SCHIP1: variants seen among roughly 807,000 people sequenced by gnomAD.
SCHIP1 encodes schwannomin-interacting protein 1.
SCHIP1 carries 8 observed loss-of-function variants against 29.7 expected under a neutral mutation model. The ratio of observed to expected loss-of-function variants is 0.27; its 90% CI spans 0.16 to 0.49. The LOEUF is 0.49. Among genes scored for constraint, SCHIP1 ranks in the 20% least tolerant of loss-of-function variants. SCHIP1 has a pLI of 0.99. For missense variants in SCHIP1, 193 were observed against 294.6 expected, an observed-to-expected ratio of 0.66 and a Z score of 2.52; for synonymous variants, 76 against 94.9, an observed-to-expected ratio of 0.80 and a Z score of 1.16.
intron 1 of SCHIP1, among the ~76,000 whole-genome samples, chr3:159,855,614 T>C (rs1004693493): frequency 1.3e-5 from 2 of 152,176 alleles, no homozygotes; most frequent in African/African-American, 4.8e-5. Flanking sequence ...CACAAATAGA[T>C]ATTTTAGAGA....
the SCHIP1 span, among the ~76,000 whole-genome samples, chr3:159,320,246 G>GA: frequency 8.5e-5 from 13 of 152,136 alleles, no homozygotes; most frequent in African/African-American, 3.1e-4. Flanking sequence ...GATAGAGACT[G>GA]AAAAAACATG....
intron 2 of SCHIP1, among the ~76,000 whole-genome samples, chr3:159,880,824 G>A (rs1450291075): frequency 6.6e-6 from 1 of 152,182 alleles, no homozygotes; most frequent in African/African-American, 2.4e-5. Flanking sequence ...TAGTCATTGT[G>A]TGTGTGTGAT....
intron 1 of SCHIP1, among the ~76,000 whole-genome samples, chr3:159,865,209 C>T (rs537849085): frequency 1.4e-4 from 21 of 152,184 alleles, no homozygotes; most frequent in African/African-American, 4.6e-4. Flanking sequence ...TGGTACTTCT[C>T]AAAGCCTTTG....
At chr3:159,520,723 T>C in the SCHIP1 span, among the ~76,000 whole-genome samples, 6 of 152,224 alleles carry the variant, frequency 3.9e-5, no homozygotes, top group South Asian at 1.2e-3. Flanking sequence ...TCCATCCTAA[T>C]GAATTAGAAC....
the SCHIP1 span, among the ~76,000 whole-genome samples, chr3:159,350,400 A>G: frequency 9.2e-5 from 14 of 152,290 alleles, no homozygotes; most frequent in African/African-American, 3.4e-4. Context: ...ATTGTATAGT[A>G]AAAAAGGGTT....
chr3:159,501,943 T>C, the SCHIP1 span, among the ~76,000 whole-genome samples: 3 of 152,190 alleles, frequency 2.0e-5, no homozygotes, highest in African/African-American at 7.2e-5. Flanking sequence ...AACTTTTGAC[T>C]CAGATCTTCT....
chr3:159,280,926 G>A, the SCHIP1 span, among the ~76,000 whole-genome samples: 1 of 152,192 alleles, frequency 6.6e-6, no homozygotes, highest in Non-Finnish European at 1.5e-5. Context: ...ACTTGGAACA[G>A]CACCTCTGAC....
At position 159,874,521 on chromosome 3, in the gene SCHIP1, G is replaced by C. The variant is rs542496979; in HGVS notation, c.149+8240G>C. 4.6e-5 allele frequency among the ~76,000 whole-genome samples: 7 copies of C among 152,274 alleles called. No homozygotes were observed. The East Asian group carries it at 1.4e-3, about 29-fold the overall frequency. ...CAAGGAGTGGGGGGCACCCTAACTG[G>C]GAGCTGTTATCAACTGGACCAATAA... On this transcript the variant is annotated intron_variant, in intron 2 of 6. Transcript: ENST00000445224.
At chr3:159,723,369 A>G in the SCHIP1 span, among the ~76,000 whole-genome samples, 193 of 152,284 alleles carry the variant, frequency 1.3e-3, 1 homozygote, top group African/African-American at 4.5e-3. Flanking sequence ...AAATGATACT[A>G]TATATTTTTT....
the SCHIP1 span, among the ~76,000 whole-genome samples, chr3:159,714,616 G>A: frequency 6.6e-6 from 1 of 152,234 alleles, no homozygotes; most frequent in East Asian, 1.9e-4. Flanking sequence ...CTGGCTCGGA[G>A]GGTCCTACGC....
chr3:159,473,972 A>G, the SCHIP1 span, among the ~76,000 whole-genome samples: 1 of 152,032 alleles, frequency 6.6e-6, no homozygotes, highest in African/African-American at 2.4e-5. Flanking sequence ...TTCAGTGAGG[A>G]TAGTTTTTCA....
chr3:159,628,188 A>G, the SCHIP1 span, among the ~76,000 whole-genome samples: 1 of 150,086 alleles, frequency 6.7e-6, no homozygotes, highest in Admixed American at 6.6e-5. Context: ...AAGACCTCTA[A>G]GCACTCAGGG....
At chr3:159,704,747 A>G in the SCHIP1 span, among the ~76,000 whole-genome samples, 2 of 152,304 alleles carry the variant, frequency 1.3e-5, no homozygotes, top group African/African-American at 4.8e-5. Flanking sequence ...ATTGAGGCCA[A>G]AAGAATTCAC....
the SCHIP1 span, among the ~76,000 whole-genome samples, chr3:159,597,235 C>T: frequency 6.6e-6 from 1 of 152,130 alleles, no homozygotes; most frequent in Admixed American, 6.5e-5. Context: ...TTTATTTGTA[C>T]AAACTTATGG....
At chr3:159,451,535 AT>A in the SCHIP1 span, among the ~76,000 whole-genome samples, 1 of 152,240 alleles carries the variant, frequency 6.6e-6, no homozygotes, top group African/African-American at 2.4e-5. Context: ...TGTAAATTAG[AT>A]TATACCATTT....
chr3:159,669,340 A>G, the SCHIP1 span, among the ~76,000 whole-genome samples: 3 of 152,244 alleles, frequency 2.0e-5, no homozygotes, highest in African/African-American at 7.2e-5. Context: ...GCAACCAAAC[A>G]GGAAATGGAT....
At chr3:159,684,803 C>CAAAA in the SCHIP1 span, among the ~76,000 whole-genome samples, 1 of 64,798 alleles carries the variant, frequency 1.5e-5, no homozygotes. Flanking sequence ...GACTCTGTTG[C>CAAAA]AAAAAAAAAA....
chr3:159,868,511 G>A lies in SCHIP1; in HGVS notation c.149+2230G>A, dbSNP rs80262737. On this transcript the variant is annotated intron_variant, in intron 2 of 6. Coordinates refer to ENST00000445224, the Ensembl canonical transcript of SCHIP1. ...TTATTAAGATTATGCATTATTCATC[G>A]CTTCTCAGCCTTTTAGCTAAGATCA... Among the ~76,000 whole-genome samples, 78 of 152,010 alleles carry A rather than the reference G, an allele frequency of 5.1e-4. 1 individual carries two copies. The highest frequency in any genetic ancestry group is 1.6e-3 in the African/African-American group (67 of 41,476).
At chr3:159,888,991 A>G (rs1458600579) in intron 5 of SCHIP1, 48 bp downstream of exon 6, 3 of 1,596,498 alleles carry the variant, frequency 1.9e-6, no homozygotes, top group African/African-American at 1.3e-5. Flanking sequence ...GTAAAACATT[A>G]TGGGATAATG....
Sources: allele counts gnomAD v4.1 joint callset (sites outside exome capture counted in the v4.1 genomes callset), GRCh38; gene constraint gnomAD v4.1.1; transcripts MANE v1.5; gene names NCBI Gene and HGNC (gene_info 2026-07-23, HGNC 2026-07-21).